The following ANKIB1 variants were observed in gnomAD, a reference collection of about 807,000 sequenced individuals.
The protein encoded by ANKIB1 is ankyrin repeat and IBR domain-containing protein 1.
In ANKIB1, 43 loss-of-function variants were observed where a neutral mutation model predicts 122.1. The observed-to-expected ratio is 0.35, with a 90% CI of 0.28 to 0.45. The LOEUF is 0.45. ANKIB1 is among the 20% of genes least tolerant of loss of function. ANKIB1 has a pLI of 1.00. For missense variants in ANKIB1, 992 were observed against 1,329.5 expected, an observed-to-expected ratio of 0.75 and a Z score of 3.95; for synonymous variants, 390 against 442.0, an observed-to-expected ratio of 0.88 and a Z score of 1.48.
At chr7:92,315,360 A>ACTTTAGTGTCT (rs764887967) in intron 3 of ANKIB1, among the ~76,000 whole-genome samples, 33 of 152,356 alleles carry the variant, frequency 2.2e-4, no homozygotes, top group Non-Finnish European at 4.1e-4. Flanking sequence ...AGTGTTAGGG[A>ACTTTAGTGTCT]ATAAAGAATA....
rs996721829 is a variant in ANKIB1 at position 92,397,465 on chromosome 7, G to A, written c.2396-258G>A. On this transcript the variant is annotated intron_variant, in intron 18 of 19. Transcript: ENST00000265742. ...TGCGCCACTGCACTCCAGCTAGGTC[G>A]ACAAAGCAAGACTCCATCTCAAAAA... Among the ~76,000 whole-genome samples, 52 of 148,968 alleles carry A rather than the reference G, an allele frequency of 3.5e-4. 1 individual carries two copies. Among genetic ancestry groups the A allele is most frequent in the African/African-American group, 1.1e-3 (45 of 40,264 alleles).
chr7:92,345,529 G>A (rs1327677560), intron 7 of ANKIB1, among the ~76,000 whole-genome samples: 1 of 152,112 alleles, frequency 6.6e-6, no homozygotes, highest in East Asian at 1.9e-4. Flanking sequence ...GACATAGTTG[G>A]GTATATTTTA....
intron 18 of ANKIB1, among the ~76,000 whole-genome samples, chr7:92,397,111 A>G (rs533503745): frequency 1.3e-5 from 2 of 152,350 alleles, no homozygotes; most frequent in South Asian, 2.1e-4. Context: ...AAAAACGTTT[A>G]TTAGTTATTG....
intron 4 of ANKIB1, 98 bp from the exon 5 acceptor site, chr7:92,327,685 C>T (rs1368230700): frequency 2.0e-5 from 10 of 509,410 alleles, no homozygotes; most frequent in Non-Finnish European, 3.3e-5. Context: ...AATGTGGAAC[C>T]GTGGATACAT....
chr7:92,298,167 T>A (rs1350733319), intron 2 of ANKIB1, among the ~76,000 whole-genome samples: 1 of 152,096 alleles, frequency 6.6e-6, no homozygotes, highest in Non-Finnish European at 1.5e-5. Context: ...AATACAGTGC[T>A]AGACACCTAG....
At chr7:92,264,673 A>G (rs908396524) in intron 1 of ANKIB1, among the ~76,000 whole-genome samples, 1 of 151,850 alleles carries the variant, frequency 6.6e-6, no homozygotes, top group African/African-American at 2.4e-5. Flanking sequence ...TGGCCTCCCA[A>G]AGTGCTGGGA....
chr7:92,381,952 G>A lies in ANKIB1; in HGVS notation c.1618-4557G>A, dbSNP rs575755481. 4.6e-5 allele frequency among the ~76,000 whole-genome samples: 7 copies of A among 152,182 alleles called. No homozygotes were observed. The South Asian group carries it at 1.2e-3, about 27-fold the overall frequency. ...ATTAAAAGACACAGACTGGCAAATT[G>A]GATAAAGAGTCAAGACTTATCAATG... On this transcript the variant is annotated intron_variant, in intron 11 of 19. Transcript: ENST00000265742.
intron 9 of ANKIB1, among the ~76,000 whole-genome samples, chr7:92,353,447 T>TA (rs1358210425): frequency 6.6e-6 from 1 of 152,082 alleles, no homozygotes; most frequent in Non-Finnish European, 1.5e-5. Context: ...AAGTAAATGA[T>TA]AAAAAAGAAA....
chr7:92,353,909 T>G (rs577787094), intron 9 of ANKIB1, among the ~76,000 whole-genome samples: 27 of 152,314 alleles, frequency 1.8e-4, no homozygotes, highest in African/African-American at 6.3e-4. Context: ...GAGGATTAGT[T>G]GGAGAAGCTA....
At chr7:92,257,178 C>T (rs1327633911) in intron 1 of ANKIB1, among the ~76,000 whole-genome samples, 1 of 147,658 alleles carries the variant, frequency 6.8e-6, no homozygotes, top group Non-Finnish European at 1.5e-5. Flanking sequence ...GGGAGCAAGA[C>T]TCTGTCTCGA....
chr7:92,350,260 C>A (rs959546688), intron 7 of ANKIB1, among the ~76,000 whole-genome samples: 1 of 152,056 alleles, frequency 6.6e-6, no homozygotes. Flanking sequence ...TGGCTCATTT[C>A]TATACCATTG....
chr7:92,350,468 A>G (rs940305808), intron 7 of ANKIB1, among the ~76,000 whole-genome samples: 6 of 152,226 alleles, frequency 3.9e-5, no homozygotes, highest in African/African-American at 1.4e-4. Context: ...ATATTGATAT[A>G]TAAAATGAAT....
At chr7:92,297,284 A>G (rs560530944) in intron 2 of ANKIB1, among the ~76,000 whole-genome samples, 4 of 152,294 alleles carry the variant, frequency 2.6e-5, no homozygotes, top group South Asian at 2.1e-4. Context: ...TCTTATTTCT[A>G]TAGTCGTATC....
At chr7:92,268,034 G>A (rs1801710280) in intron 1 of ANKIB1, among the ~76,000 whole-genome samples, 1 of 152,172 alleles carries the variant, frequency 6.6e-6, no homozygotes, top group African/African-American at 2.4e-5. Flanking sequence ...GTACAGATTG[G>A]TTTGCAAACT....
chr7:92,265,732 T>C (rs1801659404), intron 1 of ANKIB1, among the ~76,000 whole-genome samples: 3 of 152,196 alleles, frequency 2.0e-5, no homozygotes, highest in African/African-American at 7.2e-5. Context: ...AAGAAAGGAC[T>C]CAAGGATGAA....
intron 1 of ANKIB1, among the ~76,000 whole-genome samples, chr7:92,283,748 G>A (rs940377535): frequency 2.8e-4 from 43 of 152,120 alleles, no homozygotes; most frequent in African/African-American, 1.0e-3. Flanking sequence ...TGTGGCCTAA[G>A]TGTACAGTGT....
chr7:92,389,020 T>C (rs147205402), intron 14 of ANKIB1, among the ~76,000 whole-genome samples: 103 of 152,314 alleles, frequency 6.8e-4, no homozygotes, highest in Non-Finnish European at 1.3e-3. Flanking sequence ...TGGTCACTAA[T>C]ACATCCCTAG....
intron 2 of ANKIB1, among the ~76,000 whole-genome samples, chr7:92,298,406 T>C (rs1418964439): frequency 1.3e-5 from 2 of 151,958 alleles, no homozygotes; most frequent in Non-Finnish European, 2.9e-5. Context: ...TTATTATTAC[T>C]AAGGTAATGT....
At chr7:92,350,117 A>G (rs936576191) in intron 7 of ANKIB1, among the ~76,000 whole-genome samples, 5 of 151,784 alleles carry the variant, frequency 3.3e-5, no homozygotes, top group Non-Finnish European at 5.9e-5. Context: ...TCACTACTCA[A>G]GTATACCTAA....
Sources: allele counts gnomAD v4.1 joint callset (sites outside exome capture counted in the v4.1 genomes callset), GRCh38; gene constraint gnomAD v4.1.1; transcripts MANE v1.5; gene names NCBI Gene and HGNC (gene_info 2026-07-23, HGNC 2026-07-21).